The following CSMD1 variants were observed in gnomAD, a reference collection of about 807,000 sequenced individuals.
CSMD1 encodes the protein CUB and Sushi multiple domains 1, also known as CUB and sushi domain-containing protein 1.
In CSMD1, 213 loss-of-function variants were observed where a neutral mutation model predicts 417.5. The ratio of observed to expected loss-of-function variants is 0.51; its 90% CI spans 0.46 to 0.57. The LOEUF (loss-of-function observed/expected upper bound fraction) is 0.57. CSMD1 is among the 20% of genes least tolerant of loss of function. The pLI is 0.00. For missense variants in CSMD1, 6,923 were observed against 4,529.7 expected (o/e 1.53, Z -15.17); for synonymous variants, 2,862 against 1,736.8 (o/e 1.65, Z -16.11).
intron 7 of CSMD1, among the ~76,000 whole-genome samples, chr8:3,622,749 G>T (rs1296348763): frequency 6.6e-6 from 1 of 151,552 alleles, no homozygotes. Context: ...CTGACACACT[G>T]TATGTGCAAG....
At chr8:3,443,842 G>A (rs1484581548) in intron 12 of CSMD1, among the ~76,000 whole-genome samples, 1 of 152,186 alleles carries the variant, frequency 6.6e-6, no homozygotes, top group Non-Finnish European at 1.5e-5. Flanking sequence ...CACTACTGAT[G>A]CATATGGAAA....
At chr8:3,673,271 C>T (rs1329534572) in intron 7 of CSMD1, among the ~76,000 whole-genome samples, 1 of 152,182 alleles carries the variant, frequency 6.6e-6, no homozygotes, top group Non-Finnish European at 1.5e-5. Context: ...TCTTTGTCCT[C>T]TTTTTCTCAA....
rs1488030165 is a variant in CSMD1, at chr8:3,137,187, C to T, written c.6241+5278G>A. On this transcript the variant is annotated intron_variant, in intron 41 of 69. Transcript: ENST00000635120. ...AGTCACCCTAAAGGGCTAGAGAACA[C>T]TAGACCTTATTCCTCCTATCTAGCT... is the stretch of plus-strand genomic sequence containing the variant. 3.3e-5 allele frequency among the ~76,000 whole-genome samples: 5 copies of T among 152,180 alleles called. No homozygotes were observed. The East Asian group carries it at 9.6e-4, about 29-fold the overall frequency.
At chr8:3,771,938 G>A (rs905104778) in intron 5 of CSMD1, among the ~76,000 whole-genome samples, 2 of 151,954 alleles carry the variant, frequency 1.3e-5, no homozygotes, top group Non-Finnish European at 2.9e-5. Context: ...AACTCAACAA[G>A]CCGTGTAATG....
intron 50 of CSMD1, among the ~76,000 whole-genome samples, chr8:3,037,236 C>T (rs909891328): frequency 5.7e-5 from 8 of 141,406 alleles, no homozygotes; most frequent in South Asian, 2.1e-4. Context: ...GACGGAGTCT[C>T]GCTCTGTGGC....
chr8:4,897,850 A>G (rs1220943343), intron 1 of CSMD1, among the ~76,000 whole-genome samples: 1 of 152,154 alleles, frequency 6.6e-6, no homozygotes, highest in Non-Finnish European at 1.5e-5. Flanking sequence ...AAGAAGAGAA[A>G]GGCAATCTAG....
intron 4 of CSMD1, among the ~76,000 whole-genome samples, chr8:3,999,891 G>C (rs536233270): frequency 1.6e-4 from 24 of 152,218 alleles, no homozygotes; most frequent in Admixed American, 6.5e-4. Context: ...CCCATGTTTT[G>C]TAGGACATCT....
chr8:4,792,929 A>C (rs1355092218), intron 1 of CSMD1, among the ~76,000 whole-genome samples: 1 of 152,042 alleles, frequency 6.6e-6, no homozygotes, highest in Non-Finnish European at 1.5e-5. Context: ...GTATGATTAA[A>C]AAGGGATGCA....
chr8:3,393,706 G>T (rs1811488331), intron 17 of CSMD1, among the ~76,000 whole-genome samples: 1 of 151,702 alleles, frequency 6.6e-6, no homozygotes, highest in Admixed American at 6.6e-5. Context: ...GGATGAAGCT[G>T]GAAACCATCA....
intron 3 of CSMD1, among the ~76,000 whole-genome samples, chr8:4,303,773 AG>A (rs1798108348): frequency 6.6e-6 from 1 of 151,994 alleles, no homozygotes; most frequent in African/African-American, 2.4e-5. Flanking sequence ...CTCCTGCCTC[AG>A]CCTCCTGAGT....
At chr8:4,033,233 G>T (rs375891506) in intron 3 of CSMD1, among the ~76,000 whole-genome samples, 2 of 150,296 alleles carry the variant, frequency 1.3e-5, no homozygotes, top group African/African-American at 4.9e-5. Context: ...GAGGTCAAGA[G>T]ATCGAGACCA....
chr8:4,773,557 T>C (rs1796701033), intron 1 of CSMD1, among the ~76,000 whole-genome samples: 1 of 152,170 alleles, frequency 6.6e-6, no homozygotes, highest in East Asian at 1.9e-4. Context: ...TTACTTTTAC[T>C]TTCACACTGA....
rs543988662 is a variant in CSMD1 at position 3,506,561 on chromosome 8, C to A, written c.1345-12835G>T. On this transcript the variant is annotated intron_variant, in intron 10 of 69. Transcript: ENST00000635120. Reference sequence around the variant, plus strand: ...CTTTACGTTTCATTCATTCCCTCATCTTTCATTCATCTTCAACCACGCCTC... The same window carrying A: ...CTTTACGTTTCATTCATTCCCTCATATTTCATTCATCTTCAACCACGCCTC... 2.6e-5 allele frequency among the ~76,000 whole-genome samples: 4 copies of A among 152,310 alleles called. No homozygotes were observed. In the South Asian group the frequency reaches 8.3e-4, roughly 32 times the overall value.
intron 3 of CSMD1, among the ~76,000 whole-genome samples, chr8:4,264,406 G>A (rs1804097951): frequency 6.6e-6 from 1 of 152,176 alleles, no homozygotes; most frequent in Non-Finnish European, 1.5e-5. Flanking sequence ...CACAGAGGTT[G>A]CACATGTATC....
chr8:3,210,995 A>C (rs1439805063), intron 30 of CSMD1, among the ~76,000 whole-genome samples: 1 of 152,142 alleles, frequency 6.6e-6, no homozygotes, highest in East Asian at 1.9e-4. Context: ...GGGGATGCAA[A>C]AATCATTTTC....
chr8:4,960,940 C>T (rs17071915), intron 1 of CSMD1, among the ~76,000 whole-genome samples: 5,638 of 152,198 alleles, frequency 0.037, 339 homozygotes, highest in African/African-American at 0.13. Context: ...TCTGATTTCA[C>T]TGCACATTTT....
chr8:3,829,069 T>A (rs924516104), intron 5 of CSMD1, among the ~76,000 whole-genome samples: 2 of 152,016 alleles, frequency 1.3e-5, no homozygotes, highest in Non-Finnish European at 2.9e-5. Context: ...GTATAGGTGG[T>A]ATTTGTTTAC....
chr8:4,731,227 T>G (rs1254662774), intron 1 of CSMD1, among the ~76,000 whole-genome samples: 1 of 152,152 alleles, frequency 6.6e-6, no homozygotes, highest in African/African-American at 2.4e-5. Context: ...CCTTTCCCAC[T>G]CAGCCTCCAC....
intron 1 of CSMD1, among the ~76,000 whole-genome samples, chr8:4,758,672 A>C (rs79487975): frequency 4.6e-5 from 7 of 152,206 alleles, no homozygotes; most frequent in Non-Finnish European, 7.3e-5. Flanking sequence ...TGGCAAAAGG[A>C]ATAGTGGACA....
Sources: allele counts gnomAD v4.1 joint callset (sites outside exome capture counted in the v4.1 genomes callset), GRCh38; gene constraint gnomAD v4.1.1; transcripts MANE v1.5; gene names NCBI Gene and HGNC (gene_info 2026-07-23, HGNC 2026-07-21).